POF1B: variants seen among roughly 807,000 people sequenced by gnomAD.
POF1B encodes protein POF1B.
POF1B carries 53 observed loss-of-function variants against 55.3 expected under a neutral mutation model. The observed-to-expected ratio is 0.96, with a 90% CI of 0.77 to 1.20. The LOEUF (loss-of-function observed/expected upper bound fraction) is 1.20, where lower values mean the gene tolerates loss of function less well. Among genes scored for constraint, POF1B ranks in the 50% most tolerant of loss-of-function variants. The pLI, the probability that POF1B is intolerant of heterozygous loss-of-function variation, is 0.00. For synonymous variants in POF1B, 188 were observed against 148.3 expected, an observed-to-expected ratio of 1.27 and a Z score of -1.95; for missense variants, 478 against 420.5, an observed-to-expected ratio of 1.14 and a Z score of -1.20.
At chrX:85,371,016 A>T (rs1464562419) in intron 2 of POF1B, among the ~76,000 whole-genome samples, 1 of 111,742 alleles carries the variant, frequency 8.9e-6, no homozygotes, top group Non-Finnish European at 1.9e-5. Flanking sequence ...ATGACCAAAT[A>T]ATTGAAGGCG....
At chrX:85,374,347 G>A (rs1264857281) in intron 2 of POF1B, among the ~76,000 whole-genome samples, 2 of 111,318 alleles carry the variant, frequency 1.8e-5, no homozygotes, top group Non-Finnish European at 3.8e-5. Flanking sequence ...GTCAAGACCT[G>A]TTGGCTTCAT....
Position 85,296,949 on chromosome X carries a change from T to C in POF1B, c.1649+6457A>G, listed in dbSNP as rs773880486. On this transcript the variant is annotated intron_variant, in intron 15 of 16. Transcript: ENST00000262753. ...TCACAATTTAATTTTTTTTTTATTT[T>C]TGTCTAAGTTGATTATAAGATTCTG... 8.9e-5 allele frequency among the ~76,000 whole-genome samples: 10 copies of C among 112,092 alleles called. No individual in the cohort carries two copies. The Admixed American group carries it at 9.4e-4, about 11-fold the overall frequency.
At chrX:85,334,245 C>T (rs1282447173) in intron 6 of POF1B, among the ~76,000 whole-genome samples, 2 of 110,428 alleles carry the variant, frequency 1.8e-5, no homozygotes, top group African/African-American at 6.6e-5. Context: ...ATAATGGTAG[C>T]AGTAATGGAT....
At chrX:85,318,317 T>C (rs1932805571) in intron 7 of POF1B, among the ~76,000 whole-genome samples, 1 of 111,789 alleles carries the variant, frequency 8.9e-6, no homozygotes, top group East Asian at 2.8e-4. Context: ...AGATTGTCTT[T>C]TAAGTCTGTT....
At chrX:85,311,365 C>T (rs1361777606) in intron 9 of POF1B, among the ~76,000 whole-genome samples, 1 of 109,678 alleles carries the variant, frequency 9.1e-6, no homozygotes, top group Non-Finnish European at 1.9e-5. Flanking sequence ...TAGCCCCCCA[C>T]CCCCTGACAG....
intron 15 of POF1B, among the ~76,000 whole-genome samples, chrX:85,300,630 C>T (rs369841313): frequency 2.7e-5 from 3 of 111,697 alleles, no homozygotes; most frequent in Admixed American, 9.5e-5. Flanking sequence ...TTCAATGTCA[C>T]GTTTTCAATA....
intron 15 of POF1B, among the ~76,000 whole-genome samples, chrX:85,295,943 A>G (rs1004973623): frequency 2.7e-5 from 3 of 112,477 alleles, no homozygotes; most frequent in Non-Finnish European, 5.6e-5. Flanking sequence ...CATATTTAGG[A>G]CAGTTAAGTT....
chrX:85,307,352 C>A, intron 10 of POF1B, 76 bp from the exon 11 acceptor site: 1 of 602,889 alleles, frequency 1.7e-6, no homozygotes, highest in Non-Finnish European at 2.5e-6. Flanking sequence ...ACTTGCTTAC[C>A]TTGGAAGATT....
At chrX:85,311,278 G>A (rs1394177956) in intron 9 of POF1B, among the ~76,000 whole-genome samples, 1 of 110,696 alleles carries the variant, frequency 9.0e-6, no homozygotes, top group Non-Finnish European at 1.9e-5. Flanking sequence ...AGGTATACAC[G>A]TGCCATGGTG....
At position 85,282,323 on chromosome X, in the gene POF1B, G is replaced by C. The variant is rs778331815; in HGVS notation, c.1650-6C>G. ...TTGGATATTGTGTCCTGTACCTGTT[G>C]GCAAGAAAAGAGTTAGTTTACAGGC... On this transcript the variant is annotated splice_region_variant and splice_polypyrimidine_tract_variant and intron_variant, in intron 15 of 16. Coordinates refer to ENST00000262753, the MANE Select transcript of POF1B (RefSeq NM_024921.4). 1.8e-6 allele frequency: 2 copies of C among 1,093,452 alleles called. No individual in the cohort carries two copies. Among genetic ancestry groups the C allele is most frequent in the Admixed American group, 5.7e-5 (2 of 34,817 alleles). The allele number at this position is 1,093,452 out of a possible 1,213,427, so 90.1% of individuals were successfully genotyped here.
At chrX:85,296,485 T>C (rs1335452999) in intron 15 of POF1B, among the ~76,000 whole-genome samples, 4 of 112,407 alleles carry the variant, frequency 3.6e-5, no homozygotes, top group Non-Finnish European at 7.5e-5. Flanking sequence ...TTATTTCTCC[T>C]TTGCTTATGA....
At chrX:85,378,159 G>A (rs971193234) in intron 2 of POF1B, among the ~76,000 whole-genome samples, 1 of 111,208 alleles carries the variant, frequency 9.0e-6, no homozygotes, top group African/African-American at 3.3e-5. Flanking sequence ...TTCTCAACCA[G>A]TTGAGAAATG....
At chrX:85,333,170 C>T (rs1420437331) in intron 6 of POF1B, among the ~76,000 whole-genome samples, 4 of 110,548 alleles carry the variant, frequency 3.6e-5, no homozygotes, top group African/African-American at 1.3e-4. Context: ...TAGGATTTTA[C>T]TCACATTGTT....
intron 2 of POF1B, among the ~76,000 whole-genome samples, chrX:85,368,991 G>C (rs762439164): frequency 6.4e-4 from 72 of 111,814 alleles, no homozygotes; most frequent in Non-Finnish European, 1.2e-3. Context: ...CAGAACTATA[G>C]CTATAATGTA....
chrX:85,346,643 A>G (rs1375478901), intron 5 of POF1B, among the ~76,000 whole-genome samples: 1 of 110,329 alleles, frequency 9.1e-6, no homozygotes, highest in Admixed American at 9.8e-5. Flanking sequence ...TGTATATGCA[A>G]CCTTTATGAG....
chrX:85,360,546 T>C (rs1933593428), intron 3 of POF1B, among the ~76,000 whole-genome samples: 1 of 86,065 alleles, frequency 1.2e-5, no homozygotes, highest in African/African-American at 6.6e-5. Flanking sequence ...TATATATATA[T>C]ATATATATAT....
At chrX:85,321,540 G>C (rs911534611) in intron 7 of POF1B, among the ~76,000 whole-genome samples, 2 of 109,405 alleles carry the variant, frequency 1.8e-5, no homozygotes, top group African/African-American at 6.8e-5. Flanking sequence ...CACAAGACAG[G>C]GATGCCCTCT....
At chrX:85,291,670 C>A (rs1327224036) in intron 15 of POF1B, among the ~76,000 whole-genome samples, 1 of 110,334 alleles carries the variant, frequency 9.1e-6, no homozygotes, top group Non-Finnish European at 1.9e-5. Context: ...TAGCTGTATT[C>A]CTTTTTGTGG....
intron 5 of POF1B, 72 bp from the exon 6 acceptor site, chrX:85,346,114 C>A: frequency 1.3e-6 from 1 of 780,148 alleles, no homozygotes; most frequent in Admixed American, 4.8e-5. Flanking sequence ...CAACTGAAAC[C>A]ATTTTTTTAA....
Sources: allele counts gnomAD v4.1 joint callset (sites outside exome capture counted in the v4.1 genomes callset), GRCh38; gene constraint gnomAD v4.1.1; transcripts MANE v1.5; gene names NCBI Gene and HGNC (gene_info 2026-07-23, HGNC 2026-07-21).